CDH13: variants seen among roughly 807,000 people sequenced by gnomAD.
CDH13 encodes cadherin 13.
CDH13 carries 24 observed loss-of-function variants against 63.8 expected under a neutral mutation model. The ratio of observed to expected loss-of-function variants is 0.38; its 90% CI spans 0.27 to 0.53. The LOEUF is 0.53. Ranked by LOEUF, CDH13 falls within the 20% of genes least tolerant of loss-of-function variation. The probability of loss-of-function intolerance (pLI) is 0.85; values close to 1 mark genes in which losing one functional copy is unlikely to be tolerated. For synonymous variants in CDH13, 503 were observed against 355.3 expected (o/e 1.42, Z -4.67); for missense variants, 1,049 against 903.1 (o/e 1.16, Z -2.07).
intron 6 of CDH13, among the ~76,000 whole-genome samples, chr16:83,395,351 G>T (rs113747676): frequency 2.0e-5 from 3 of 151,840 alleles, no homozygotes; most frequent in African/African-American, 7.3e-5. Flanking sequence ...AATACTCAAG[G>T]CTCCTAGTGA....
chr16:82,758,685 T>A (rs1182286259), intron 1 of CDH13, among the ~76,000 whole-genome samples: 1 of 152,204 alleles, frequency 6.6e-6, no homozygotes, highest in East Asian at 1.9e-4. Flanking sequence ...TCTGGAGGGG[T>A]AGTAAATGTA....
chr16:83,465,801 A>G (rs547621632), intron 6 of CDH13, among the ~76,000 whole-genome samples: 32 of 152,276 alleles, frequency 2.1e-4, no homozygotes, highest in Non-Finnish European at 3.8e-4. Flanking sequence ...AGTCAGCACA[A>G]TTCACAGGTG....
intron 1 of CDH13, among the ~76,000 whole-genome samples, chr16:82,813,053 G>A (rs948692199): frequency 6.6e-6 from 1 of 152,128 alleles, no homozygotes; most frequent in Non-Finnish European, 1.5e-5. Flanking sequence ...CACTTTTAAA[G>A]GTAGTTGTTT....
chr16:83,321,872 A>G (rs917356300), intron 5 of CDH13, among the ~76,000 whole-genome samples: 3 of 152,228 alleles, frequency 2.0e-5, no homozygotes, highest in Non-Finnish European at 4.4e-5. Context: ...AGGTGTCAGC[A>G]GACAAGTTTT....
At chr16:82,814,005 C>G (rs146193884) in intron 1 of CDH13, among the ~76,000 whole-genome samples, 34 of 152,184 alleles carry the variant, frequency 2.2e-4, no homozygotes, top group African/African-American at 7.7e-4. Flanking sequence ...ATTCAAATAC[C>G]GGCTGCTGTG....
At chr16:82,633,096 T>A (rs1908217601) in intron 1 of CDH13, among the ~76,000 whole-genome samples, 1 of 152,136 alleles carries the variant, frequency 6.6e-6, no homozygotes, top group African/African-American at 2.4e-5. Flanking sequence ...ACTCACCTCC[T>A]GCTGTGTGGC....
At chr16:83,440,019 G>A (rs372853506) in intron 6 of CDH13, among the ~76,000 whole-genome samples, 2 of 152,166 alleles carry the variant, frequency 1.3e-5, no homozygotes, top group African/African-American at 2.4e-5. Flanking sequence ...GTGGACCCAC[G>A]GTGTCTGTGC....
Position 82,665,958 on chromosome 16 carries a change from A to G in CDH13, c.45+38821A>G, listed in dbSNP as rs113310796. Among the ~76,000 whole-genome samples, 728 of 152,234 alleles carry G rather than the reference A, an allele frequency of 4.8e-3. 3 individuals carry two copies. Among genetic ancestry groups the G allele is most frequent in the African/African-American group, 0.016 (677 of 41,530 alleles). ...ATTCAAAATCTGAAAAATGGTTTCA[A>G]TGGAGTAAGTATTTCTTTTGTACCA... On this transcript the variant is annotated intron_variant, in intron 1 of 13. Transcript: ENST00000567109.
At chr16:83,585,666 A>C (rs940789976) in intron 7 of CDH13, among the ~76,000 whole-genome samples, 1 of 152,080 alleles carries the variant, frequency 6.6e-6, no homozygotes, top group Non-Finnish European at 1.5e-5. Context: ...CAGGATATCC[A>C]AGAAGAAGGC....
At chr16:83,444,455 T>A (rs879401659) in intron 6 of CDH13, among the ~76,000 whole-genome samples, 9 of 152,222 alleles carry the variant, frequency 5.9e-5, no homozygotes, top group Non-Finnish European at 1.2e-4. Context: ...TGCTATACAT[T>A]AGAATCACCT....
intron 5 of CDH13, among the ~76,000 whole-genome samples, chr16:83,245,715 A>G (rs2151819420): frequency 6.6e-6 from 1 of 152,288 alleles, no homozygotes; most frequent in East Asian, 1.9e-4. Context: ...TTAAAGACTT[A>G]GTCAATTTTT....
At chr16:83,290,155 T>G (rs1567567737) in intron 5 of CDH13, among the ~76,000 whole-genome samples, 1 of 152,194 alleles carries the variant, frequency 6.6e-6, no homozygotes, top group African/African-American at 2.4e-5. Context: ...GTTTGTTCAT[T>G]CTCCTCCTTG....
intron 1 of CDH13, chr16:82,705,227 A>T: frequency 2.2e-6 from 1 of 451,880 alleles, no homozygotes; most frequent in Non-Finnish European, 4.4e-6. Context: ...ATAGCACATG[A>T]GAGGGAGGAC....
At position 83,385,559 on chromosome 16, in the gene CDH13, G is replaced by A. The variant is rs78296264; in HGVS notation, c.781+40553G>A. Among the ~76,000 whole-genome samples, 236 of 152,212 alleles carry A rather than the reference G, an allele frequency of 1.6e-3. 4 individuals carry two copies. The East Asian group carries it at 0.04, about 26-fold the overall frequency. On this transcript the variant is annotated intron_variant, in intron 6 of 13. Transcript: ENST00000567109. ...TAACAAAATGTCTAATGCAAATAGGGCTCCTTCATCTTGTAGTTACTCTAG... is the reference window on the plus strand; with the variant it reads ...TAACAAAATGTCTAATGCAAATAGGACTCCTTCATCTTGTAGTTACTCTAG...
intron 5 of CDH13, among the ~76,000 whole-genome samples, chr16:83,339,191 A>C (rs16960250): frequency 0.089 from 13,554 of 152,184 alleles, 819 homozygotes; most frequent in East Asian, 0.29. Context: ...GGCTGCGGAT[A>C]GAAGAGAAGG....
intron 5 of CDH13, among the ~76,000 whole-genome samples, chr16:83,265,727 C>CTTTTTTTTTTTTTTTTTTTTTTTTTTT (rs71272416): frequency 2.3e-5 from 1 of 42,570 alleles, no homozygotes; most frequent in African/African-American, 1.2e-4. Flanking sequence ...TAAATTTCTG[C>CTTTTTTTTTTTTTTTTTTTTTTTTTTT]TTTTTTTTTT....
At chr16:83,187,301 G>A (rs947120218) in intron 4 of CDH13, among the ~76,000 whole-genome samples, 1 of 152,094 alleles carries the variant, frequency 6.6e-6, no homozygotes, top group Admixed American at 6.5e-5. Context: ...CCTTACAACA[G>A]TCACTCAAAG....
intron 5 of CDH13, among the ~76,000 whole-genome samples, chr16:83,225,528 G>A (rs1166129256): frequency 6.6e-6 from 1 of 152,220 alleles, no homozygotes; most frequent in Admixed American, 6.5e-5. Flanking sequence ...GATGTCCTCA[G>A]AAGATTGGAG....
At chr16:83,527,486 G>T (rs1463890474) in intron 7 of CDH13, among the ~76,000 whole-genome samples, 2 of 152,042 alleles carry the variant, frequency 1.3e-5, no homozygotes, top group African/African-American at 4.8e-5. Context: ...TGGGAATTCA[G>T]ATACAAAAAG....
Sources: allele counts gnomAD v4.1 joint callset (sites outside exome capture counted in the v4.1 genomes callset), GRCh38; gene constraint gnomAD v4.1.1; transcripts MANE v1.5; gene names NCBI Gene and HGNC (gene_info 2026-07-23, HGNC 2026-07-21).